Variants in MAGI1 observed in about 807,000 individuals in gnomAD.
The protein encoded by MAGI1 is membrane associated guanylate kinase, WW and PDZ domain containing 1.
In MAGI1, 58 loss-of-function variants were observed where a neutral mutation model predicts 139.9. The observed-to-expected ratio is 0.41, with a 90% CI of 0.34 to 0.52. The LOEUF (loss-of-function observed/expected upper bound fraction) is 0.52, where lower values mean the gene tolerates loss of function less well. Ranked by LOEUF, MAGI1 falls within the 20% of genes least tolerant of loss-of-function variation. The pLI is 0.12. For missense variants in MAGI1, 1,874 were observed against 1,901.6 expected, an observed-to-expected ratio of 0.99 and a Z score of 0.27; for synonymous variants, 812 against 737.9, an observed-to-expected ratio of 1.10 and a Z score of -1.63.
chr3:65,873,480 T>C (rs2060007449), intron 1 of MAGI1: 1 of 152,230 alleles, frequency 6.6e-6, no homozygotes, highest in Non-Finnish European at 1.5e-5. Flanking sequence ...TGGTTCTCTA[T>C]CTTCTCCTTA....
intron 1 of MAGI1, among the ~76,000 whole-genome samples, chr3:66,033,834 C>A (rs1400211830): frequency 2.0e-5 from 3 of 152,162 alleles, no homozygotes; most frequent in Non-Finnish European, 2.9e-5. Flanking sequence ...CTGTAATACA[C>A]CACTTTGGGA....
intron 8 of MAGI1, 78 bp downstream of exon 8, chr3:65,442,714 G>T: frequency 1.0e-6 from 1 of 1,003,804 alleles, no homozygotes; most frequent in Non-Finnish European, 1.5e-6. Context: ...TTATAATGAT[G>T]TCAGGCTGTA....
intron 1 of MAGI1, among the ~76,000 whole-genome samples, chr3:66,014,677 C>T (rs988593110): frequency 6.6e-6 from 1 of 152,158 alleles, no homozygotes; most frequent in South Asian, 2.1e-4. Flanking sequence ...ATAGGTTCTT[C>T]TCAATACTCT....
rs75296830 is a variant in MAGI1 at position 65,851,094 on chromosome 3, G to C, written c.313+186902C>G. ...TGCACTTCAGCTGGGGGACAAGAGC[G>C]AGACTTCATCTGGAGAAAAAAAAAA... On this transcript the variant is annotated intron_variant, in intron 1 of 22. Coordinates refer to ENST00000402939, the MANE Select transcript of MAGI1 (RefSeq NM_001033057.2). Among the ~76,000 whole-genome samples, 35 of 151,924 alleles carry C rather than the reference G, an allele frequency of 2.3e-4. No homozygotes were observed. In the East Asian group the frequency reaches 5.8e-3, roughly 25 times the overall value.
At chr3:65,755,698 T>A (rs1049498584) in intron 1 of MAGI1, among the ~76,000 whole-genome samples, 1 of 152,194 alleles carries the variant, frequency 6.6e-6, no homozygotes, top group Non-Finnish European at 1.5e-5. Flanking sequence ...TATTTTCTCA[T>A]GTGAATAATG....
intron 13 of MAGI1, among the ~76,000 whole-genome samples, chr3:65,394,676 A>C (rs1944242173): frequency 1.9e-5 from 1 of 51,812 alleles, no homozygotes. Context: ...AGGGGAGTTC[A>C]AAGTAATTTT....
chr3:65,812,391 T>G (rs916653973), intron 1 of MAGI1, among the ~76,000 whole-genome samples: 23 of 151,826 alleles, frequency 1.5e-4, no homozygotes, highest in Non-Finnish European at 1.0e-4. Context: ...CCTAAATACA[T>G]TACGGTTGAA....
At chr3:65,562,537 A>G (rs1249335344) in intron 2 of MAGI1, among the ~76,000 whole-genome samples, 1 of 152,070 alleles carries the variant, frequency 6.6e-6, no homozygotes, top group Admixed American at 6.6e-5. Flanking sequence ...TTCCCAGGCT[A>G]TAGTACAGTG....
intron 2 of MAGI1, among the ~76,000 whole-genome samples, chr3:65,607,189 G>A (rs924020599): frequency 6.6e-6 from 1 of 151,268 alleles, no homozygotes; most frequent in Non-Finnish European, 1.5e-5. Flanking sequence ...TGAATCTAGT[G>A]TGCAGATGGA....
intron 1 of MAGI1, among the ~76,000 whole-genome samples, chr3:65,672,212 C>A (rs2086905786): frequency 6.6e-6 from 1 of 152,096 alleles, no homozygotes; most frequent in Non-Finnish European, 1.5e-5. Flanking sequence ...ATTTAAGAAG[C>A]AAAATGCAAA....
chr3:65,453,216 T>TGCCCCCAATTCACTTAA lies in MAGI1; in HGVS notation c.1042+25_1042+41dup, dbSNP rs778394759. 218 of 1,555,492 alleles carry TGCCCCCAATTCACTTAA rather than the reference T, an allele frequency of 1.4e-4. 2 individuals are homozygous for TGCCCCCAATTCACTTAA. In the Admixed American group the frequency reaches 3.5e-3, roughly 25 times the overall value. ...CTTTAAAATTTGCACATGTGAACAG[T>TGCCCCCAATTCACTTAA]GCCCCCAATTCACTTAACCCAAGAC... On this transcript the variant is annotated intron_variant, in intron 6 of 22. Transcript: ENST00000402939.
chr3:65,508,077 C>A (rs544836031), intron 2 of MAGI1, among the ~76,000 whole-genome samples: 1 of 152,120 alleles, frequency 6.6e-6, no homozygotes, highest in Non-Finnish European at 1.5e-5. Context: ...GAGGTATCAA[C>A]GGTATTATCA....
At chr3:65,982,431 C>A (rs1407987407) in intron 1 of MAGI1, among the ~76,000 whole-genome samples, 1 of 152,186 alleles carries the variant, frequency 6.6e-6, no homozygotes, top group African/African-American at 2.4e-5. Flanking sequence ...GGAAATGCTT[C>A]ATGCCATCCA....
chr3:65,972,502 T>C (rs891466), intron 1 of MAGI1, among the ~76,000 whole-genome samples: 1 of 151,972 alleles, frequency 6.6e-6, no homozygotes, highest in African/African-American at 2.4e-5. Flanking sequence ...GTTTCTATTA[T>C]GTAAACAACT....
At chr3:65,844,720 A>C (rs1213055122) in intron 1 of MAGI1, among the ~76,000 whole-genome samples, 1 of 152,208 alleles carries the variant, frequency 6.6e-6, no homozygotes, top group East Asian at 1.9e-4. Context: ...AACCCAATTC[A>C]TGCAAGACCT....
chr3:65,578,959 GAGAGAACGAAC>G (rs1380469390), intron 2 of MAGI1, among the ~76,000 whole-genome samples: 1 of 151,520 alleles, frequency 6.6e-6, no homozygotes, highest in Non-Finnish European at 1.5e-5. Flanking sequence ...GAGAGAGAGA[GAGAGAACGAAC>G]AGATATTCCC....
intron 1 of MAGI1, among the ~76,000 whole-genome samples, chr3:65,724,881 G>GC (rs1382223723): frequency 1.6e-4 from 24 of 152,132 alleles, no homozygotes; most frequent in African/African-American, 5.8e-4. Context: ...GGCCAAAATT[G>GC]CCCCCATGAT....
intron 1 of MAGI1, among the ~76,000 whole-genome samples, chr3:65,748,721 T>G (rs1335852881): frequency 2.0e-5 from 3 of 151,730 alleles, no homozygotes; most frequent in Non-Finnish European, 4.4e-5. Context: ...ATAAGAGAGA[T>G]AAAGAAAGGA....
At chr3:65,424,111 G>A (rs1266618244) in intron 12 of MAGI1, among the ~76,000 whole-genome samples, 1 of 152,164 alleles carries the variant, frequency 6.6e-6, no homozygotes, top group African/African-American at 2.4e-5. Context: ...TTGGGCATGT[G>A]TGTGTGCATG....
Sources: allele counts gnomAD v4.1 joint callset (sites outside exome capture counted in the v4.1 genomes callset), GRCh38; gene constraint gnomAD v4.1.1; transcripts MANE v1.5; gene names NCBI Gene and HGNC (gene_info 2026-07-23, HGNC 2026-07-21).